Variants in USH2A observed in about 807,000 individuals in gnomAD.
The protein encoded by USH2A is usherin.
Under a neutral mutation model 538.9 loss-of-function variants are expected in USH2A, and 443 were observed. The ratio of observed to expected loss-of-function variants is 0.82; its 90% CI spans 0.76 to 0.89. USH2A has a LOEUF of 0.89. Ranked by LOEUF, USH2A falls within the 40% of genes least tolerant of loss-of-function variation. The pLI, the probability that USH2A is intolerant of heterozygous loss-of-function variation, is 0.00. For missense variants in USH2A, 6,633 were observed against 6,324.8 expected (o/e 1.05, Z -1.65); for synonymous variants, 2,413 against 2,273.5 (o/e 1.06, Z -1.75).
chr1:215,999,074 T>C lies in USH2A; in HGVS notation c.6486-16A>G, dbSNP rs752093712. 6.3e-6 allele frequency: 10 copies of C among 1,599,434 alleles called. No individual in the cohort carries two copies. Among genetic ancestry groups the C allele is most frequent in the Non-Finnish European group, 8.6e-6 (10 of 1,167,830 alleles). On this transcript the variant is annotated splice_polypyrimidine_tract_variant and intron_variant, in intron 33 of 71. Transcript: ENST00000307340. Reference sequence around the variant, plus strand: ...TTGTTTCCACCTGGGAATGGTAAAATACATTATTATCATTCATTCAAGTCA... The same window carrying C: ...TTGTTTCCACCTGGGAATGGTAAAACACATTATTATCATTCATTCAAGTCA...
Position 216,003,479 on chromosome 1 carries a change from T to C in USH2A, c.6326-2917A>G, listed in dbSNP as rs989215406. Among the ~76,000 whole-genome samples the C allele has an allele frequency of 2.6e-5, 4 of 152,090 alleles. No individual in the cohort carries two copies. The East Asian group carries it at 5.8e-4, about 22-fold the overall frequency. ...TAGTTAAGAGTCAGCAGAGGCCTCA[T>C]TGGGAAGGTGGCATTTTGAGCAAAG... On this transcript the variant is annotated intron_variant, in intron 32 of 71. Transcript: ENST00000307340.
chr1:215,902,864 GA>G (rs1367943284), intron 38 of USH2A, among the ~76,000 whole-genome samples: 2 of 152,118 alleles, frequency 1.3e-5, no homozygotes, highest in Non-Finnish European at 2.9e-5. Context: ...CTAAGGAGGA[GA>G]GGGAGAGGAA....
Position 216,289,082 on chromosome 1 carries a change from T to C in USH2A, c.1971+198A>G, listed in dbSNP as rs17597445. On this transcript the variant is annotated intron_variant, in intron 11 of 71. Transcript: ENST00000307340. ...TAAAACTAAAATAAGCCTTTTTATA[T>C]GCAAAGGACCACCGAACTAGTGCTA... is the stretch of plus-strand genomic sequence containing the variant. 0.066 allele frequency among the ~76,000 whole-genome samples: 9,975 copies of C among 152,202 alleles called. 444 individuals are homozygous for C. The highest frequency in any genetic ancestry group is 0.16 in the Middle Eastern group (47 of 292).
At chr1:215,955,726 A>T (rs2102445529) in intron 37 of USH2A, among the ~76,000 whole-genome samples, 1 of 152,298 alleles carries the variant, frequency 6.6e-6, no homozygotes, top group South Asian at 2.1e-4. Context: ...TGCAACACTA[A>T]TAATTGAGTA....
intron 60 of USH2A, among the ~76,000 whole-genome samples, chr1:215,729,857 A>G (rs1659941281): frequency 6.6e-6 from 1 of 152,158 alleles, no homozygotes; most frequent in Non-Finnish European, 1.5e-5. Flanking sequence ...GGTCTTCCCC[A>G]AGCAAGCCTC....
intron 11 of USH2A, among the ~76,000 whole-genome samples, chr1:216,263,678 G>A (rs1467122798): frequency 6.6e-6 from 1 of 152,016 alleles, no homozygotes; most frequent in East Asian, 1.9e-4. Flanking sequence ...ACGGAGAAAA[G>A]GTGAAAACTT....
chr1:216,198,399 T>C lies in USH2A; in HGVS notation c.3997A>G (p.Thr1333Ala), dbSNP rs1449840381. 8.7e-6 allele frequency: 14 copies of C among 1,613,896 alleles called. No homozygotes were observed. Among genetic ancestry groups the C allele is most frequent in the African/African-American group, 2.7e-5 (2 of 74,922 alleles). The stretch of plus-strand genomic sequence containing the variant: ...GCTAAGACTCTGAACTCATACTTGG[T>C]GTATGGCTCCAAGCCAGTGATGGTT... Reference protein sequence around the residue: ...MTTITGLEPYTKYEFRVLAVN... With the variant: ...MTTITGLEPYAKYEFRVLAVN... The change falls in exon 18 of 72, where the codon ACC becomes GCC. Residue 1333 changes from threonine to alanine, a missense_variant. Thr to Ala is a moderately conservative substitution (Grantham distance 58). Transcript: ENST00000307340.
At chr1:216,059,158 A>T (rs1231801097) in intron 30 of USH2A, among the ~76,000 whole-genome samples, 2 of 152,194 alleles carry the variant, frequency 1.3e-5, no homozygotes, top group Non-Finnish European at 2.9e-5. Flanking sequence ...ATAATATATG[A>T]ACGTACATAA....
intron 21 of USH2A, among the ~76,000 whole-genome samples, chr1:216,168,050 C>T (rs761600902): frequency 6.6e-6 from 1 of 152,076 alleles, no homozygotes; most frequent in East Asian, 1.9e-4. Flanking sequence ...TATAACTATA[C>T]ATTTTTAAAT....
intron 21 of USH2A, among the ~76,000 whole-genome samples, chr1:216,108,178 C>T (rs757219307): frequency 2.6e-5 from 4 of 151,702 alleles, no homozygotes; most frequent in Non-Finnish European, 5.9e-5. Flanking sequence ...TCATGATATA[C>T]TAACTCTTTC....
chr1:216,285,605 C>T (rs2036866888), intron 11 of USH2A, among the ~76,000 whole-genome samples: 1 of 152,204 alleles, frequency 6.6e-6, no homozygotes, highest in African/African-American at 2.4e-5. Flanking sequence ...AGAAGGGGGC[C>T]ACCATCCTCC....
intron 21 of USH2A, among the ~76,000 whole-genome samples, chr1:216,112,099 A>G (rs1429139688): frequency 6.6e-6 from 1 of 152,206 alleles, no homozygotes. Context: ...CTCTATAAAT[A>G]CATGAATAAC....
At position 216,046,575 on chromosome 1, in the gene USH2A, G is replaced by C. The variant is rs761527753; in HGVS notation, c.6181C>G (p.Pro2061Ala). 2.5e-6 allele frequency: 4 copies of C among 1,613,820 alleles called. No homozygotes were observed. The South Asian group carries it at 4.4e-5, about 18-fold the overall frequency. ...TPQEAPQEVQ[P>A]PVAKSLPSSL... ...CTGGGAAGGGATTTGGCTACTGGTGGCTGAACCTCTTGTGGGGCTGTGGAA... is the reference window on the plus strand; with the variant it reads ...CTGGGAAGGGATTTGGCTACTGGTGCCTGAACCTCTTGTGGGGCTGTGGAA... The change falls in exon 32 of 72, where the codon CCA becomes GCA. Residue 2061 changes from proline (P) to alanine (A), a missense_variant. Pro to Ala is a conservative substitution (Grantham distance 27, BLOSUM62 -1). Transcript: ENST00000307340.
intron 37 of USH2A, among the ~76,000 whole-genome samples, chr1:215,936,531 C>T (rs1666502368): frequency 6.6e-6 from 1 of 151,968 alleles, no homozygotes; most frequent in African/African-American, 2.4e-5. Context: ...CATTGCAGTG[C>T]TATTGTGAAA....
intron 58 of USH2A, among the ~76,000 whole-genome samples, chr1:215,745,015 C>T (rs1195333681): frequency 1.3e-5 from 2 of 152,106 alleles, no homozygotes; most frequent in East Asian, 3.9e-4. Context: ...CATGGATATT[C>T]CTCAGAGGCC....
chr1:215,710,495 T>C (rs1171768952), intron 61 of USH2A, among the ~76,000 whole-genome samples: 1 of 152,130 alleles, frequency 6.6e-6, no homozygotes, highest in African/African-American at 2.4e-5. Context: ...TCTCAACTGC[T>C]CATACGTTTA....
chr1:215,934,665 G>A lies in USH2A; in HGVS notation c.7251C>T (p.Ser2417=). 6.2e-7 allele frequency: 1 copy of A among 1,612,614 alleles called. No individual in the cohort carries two copies. The highest frequency in any genetic ancestry group is 1.1e-5 in the South Asian group (1 of 91,046). ...TAGGATCAGTTATCAAGCTGCCTTG[G>A]CTATTTGAAATATTCACTTGTACAG... The part of the protein sequence containing the change: ...NYTVQVNISN[S]QGSLITDPIT... Residue 2417 remains serine, a synonymous_variant, in exon 38 of 72, where the codon AGC becomes AGT. Transcript: ENST00000307340.
At chr1:216,138,095 G>T (rs974900716) in intron 21 of USH2A, among the ~76,000 whole-genome samples, 1 of 152,094 alleles carries the variant, frequency 6.6e-6, no homozygotes, top group African/African-American at 2.4e-5. Flanking sequence ...TGATATGATT[G>T]TATTGGAATT....
At chr1:215,839,549 G>A (rs1663619070) in intron 46 of USH2A, among the ~76,000 whole-genome samples, 1 of 152,064 alleles carries the variant, frequency 6.6e-6, no homozygotes, top group African/African-American at 2.4e-5. Flanking sequence ...ATATTCAAAT[G>A]TTTCTCCAGA....
Sources: gnomAD v4.1 joint callset for allele counts (sites outside exome capture counted in the v4.1 genomes callset) on GRCh38, gnomAD v4.1.1 for gene constraint, MANE v1.5 for transcripts, NCBI Gene and HGNC (gene_info 2026-07-23, HGNC 2026-07-21) for gene names.